Variants in SMIM41 observed in about 807,000 individuals in gnomAD.
The protein encoded by SMIM41 is small integral membrane protein 41.
intron 2 of SMIM41, among the ~76,000 whole-genome samples, chr12:52,094,153 A>G (rs1354980969): frequency 2.0e-5 from 3 of 150,766 alleles, no homozygotes; most frequent in Non-Finnish European, 4.4e-5. Context: ...AAAGAAAAAG[A>G]AAAAAAGAAA....
At chr12:52,103,856 GGGGT>G (rs1166257831) in intron 2 of SMIM41, among the ~76,000 whole-genome samples, 1 of 152,218 alleles carries the variant, frequency 6.6e-6, no homozygotes, top group Non-Finnish European at 1.5e-5. Flanking sequence ...GTGGCCCCCA[GGGGT>G]GGGCGAGAGA....
chr12:52,085,238 C>G (rs544528318), intron 2 of SMIM41, among the ~76,000 whole-genome samples: 1 of 152,174 alleles, frequency 6.6e-6, no homozygotes, highest in Admixed American at 6.5e-5. Flanking sequence ...AGTTTCCCCT[C>G]CTCTCGTAGC....
At chr12:52,088,437 G>T (rs1419688055) in intron 2 of SMIM41, among the ~76,000 whole-genome samples, 5 of 152,156 alleles carry the variant, frequency 3.3e-5, no homozygotes, top group African/African-American at 1.2e-4. Context: ...ACACCAAGAG[G>T]CTAGTGCGGA....
At chr12:52,092,337 C>T (rs1940020651) in intron 2 of SMIM41, 1 of 152,200 alleles carries the variant, frequency 6.6e-6, no homozygotes, top group African/African-American at 2.4e-5. Flanking sequence ...AACCATTTGT[C>T]AGAAAGCAGG....
chr12:52,083,476 T>G (rs985873714), intron 1 of SMIM41, among the ~76,000 whole-genome samples: 1 of 152,214 alleles, frequency 6.6e-6, no homozygotes, highest in Non-Finnish European at 1.5e-5. Context: ...CCAGCCCCTG[T>G]CCCCTGGCCT....
At chr12:52,091,245 G>C (rs1481489945) in intron 2 of SMIM41, among the ~76,000 whole-genome samples, 3 of 152,122 alleles carry the variant, frequency 2.0e-5, no homozygotes, top group Non-Finnish European at 2.9e-5. Context: ...TCCCATCACG[G>C]GTTTCAGGTT....
At chr12:52,084,352 AAAC>A (rs1163857801) in intron 2 of SMIM41, among the ~76,000 whole-genome samples, 3 of 150,518 alleles carry the variant, frequency 2.0e-5, no homozygotes, top group Admixed American at 6.7e-5. Context: ...CTCCATCTCA[AAAC>A]AACAACAACA....
At chr12:52,096,328 C>T (rs1259853220) in intron 2 of SMIM41, among the ~76,000 whole-genome samples, 2 of 151,994 alleles carry the variant, frequency 1.3e-5, no homozygotes, top group Non-Finnish European at 1.5e-5. Flanking sequence ...TAACGTCATA[C>T]TCCACCCCCT....
intron 2 of SMIM41, chr12:52,094,765 G>C (rs1402431544): frequency 1.3e-5 from 2 of 152,528 alleles, no homozygotes; most frequent in East Asian, 1.9e-4. Flanking sequence ...TGGAGCTTCT[G>C]TCTCTCCTCT....
In SMIM41 at chr12:52,107,399, G is replaced by T; in HGVS notation, c.*216G>T. 2 of 558,744 alleles carry T rather than the reference G, an allele frequency of 3.6e-6. No individual in the cohort carries two copies. Among genetic ancestry groups the T allele is most frequent in the East Asian group, 4.7e-5 (1 of 21,254 alleles). The allele number at this position is 558,744 out of a possible 1,614,324, so 34.6% of individuals were successfully genotyped here. On this transcript the variant is annotated 3_prime_UTR_variant, in exon 3 of 3. Transcript: ENST00000546390. ...CCTAGAACCTCAGAGGATCCAGAAC[G>T]GCAGCTGGTCCTTGCTGGACTGTTC... is the stretch of plus-strand genomic sequence containing the variant.
In SMIM41 at chr12:52,107,561, G is replaced by C. The variant is rs139817364; in HGVS notation, c.*378G>C. Reference sequence around the variant, plus strand: ...CTGACATCGGTTTCACCTCCACCACGGTCCCCCAGATGACTGTGGACATCC... The same window carrying C: ...CTGACATCGGTTTCACCTCCACCACCGTCCCCCAGATGACTGTGGACATCC... On this transcript the variant is annotated 3_prime_UTR_variant, in exon 3 of 3. Coordinates refer to ENST00000546390, the MANE Select transcript of SMIM41 (RefSeq NM_001369216.1). The C allele has an allele frequency of 7.8e-5, 68 of 870,170 alleles. No homozygotes were observed. The African/African-American group carries it at 1.0e-3, about 13-fold the overall frequency. The allele number at this position is 870,170 out of a possible 1,614,324, so 53.9% of individuals were successfully genotyped here. A position where few individuals can be genotyped will look rare whatever the true frequency, so the allele number is the denominator to read the frequency against.
chr12:52,091,614 A>G (rs1940005631), intron 2 of SMIM41, among the ~76,000 whole-genome samples: 1 of 152,228 alleles, frequency 6.6e-6, no homozygotes, highest in African/African-American at 2.4e-5. Context: ...TGCACTGCAC[A>G]TGGAGGACCA....
chr12:52,097,608 T>C (rs1167405709), intron 2 of SMIM41, among the ~76,000 whole-genome samples: 2 of 152,156 alleles, frequency 1.3e-5, no homozygotes, highest in East Asian at 3.9e-4. Flanking sequence ...CACAGAGGGG[T>C]GTACACCTCC....
chr12:52,099,525 A>C (rs575325795), intron 2 of SMIM41, among the ~76,000 whole-genome samples: 1 of 152,102 alleles, frequency 6.6e-6, no homozygotes, highest in Non-Finnish European at 1.5e-5. Flanking sequence ...GGGGGTGTAC[A>C]TCCGTGCGAT....
intron 2 of SMIM41, among the ~76,000 whole-genome samples, chr12:52,098,767 G>A (rs1264138274): frequency 1.3e-5 from 2 of 151,214 alleles, no homozygotes; most frequent in Non-Finnish European, 2.9e-5. Context: ...TGCGATATTG[G>A]GAGTAAAATT....
Position 52,081,790 on chromosome 12 carries a change from C to T in SMIM41, c.*120+1609C>T, listed in dbSNP as rs543410998. On this transcript the variant is annotated intron_variant, in intron 1 of 2. Transcript: ENST00000546390. The surrounding 1 kb of genome is among the most constrained non-coding windows in gnomAD (Gnocchi z 4.1). The stretch of plus-strand genomic sequence containing the variant: ...TCACTGGGAACCCCTTTCTTTTACA[C>T]GCGGGAGAACAGTAAGTGACATGCT... Among the ~76,000 whole-genome samples the T allele has an allele frequency of 3.3e-5, 5 of 152,244 alleles. No individual in the cohort carries two copies. In the East Asian group the frequency reaches 7.7e-4, roughly 24 times the overall value.
intron 2 of SMIM41, among the ~76,000 whole-genome samples, chr12:52,103,369 A>C (rs1355302435): frequency 2.0e-5 from 3 of 151,808 alleles, no homozygotes; most frequent in Middle Eastern, 3.4e-3. Context: ...AAAAAAAAAA[A>C]AAACCAAAAA....
chr12:52,094,133 G>A (rs200176912), intron 2 of SMIM41, among the ~76,000 whole-genome samples: 17 of 128,584 alleles, frequency 1.3e-4, no homozygotes, highest in South Asian at 2.5e-4. Context: ...TCCATCTCCG[G>A]AAAAAAAAAA....
At position 52,086,665 on chromosome 12, in the gene SMIM41, C is replaced by A. The variant is rs565459508; in HGVS notation, c.*195+2697C>A. 3.3e-5 allele frequency among the ~76,000 whole-genome samples: 5 copies of A among 152,268 alleles called. No individual in the cohort carries two copies. In the South Asian group the frequency reaches 1.0e-3, roughly 32 times the overall value. On this transcript the variant is annotated intron_variant, in intron 2 of 2. Transcript: ENST00000546390. Reference sequence around the variant, plus strand: ...CACCTGCCCTGGCTCAGAGCTGCAGCCTCTCTGGAATCCCTCCTTGAGAGG... The same window carrying A: ...CACCTGCCCTGGCTCAGAGCTGCAGACTCTCTGGAATCCCTCCTTGAGAGG...
Sources: allele counts gnomAD v4.1 joint callset (sites outside exome capture counted in the v4.1 genomes callset), GRCh38; gene constraint gnomAD v4.1.1; non-coding constraint Gnocchi (gnomAD v3.1); transcripts MANE v1.5; gene names NCBI Gene and HGNC (gene_info 2026-07-23, HGNC 2026-07-21).